EYS: variants seen among roughly 807,000 people sequenced by gnomAD.
EYS encodes the protein EGF-like photoreceptor maintenance factor.
Under a neutral mutation model 282.1 loss-of-function variants are expected in EYS, and 250 were observed. The ratio of observed to expected loss-of-function variants is 0.89; its 90% CI spans 0.80 to 0.98. EYS has a LOEUF of 0.98. EYS is among the 50% of genes least tolerant of loss of function. The pLI is 0.00. For synonymous variants in EYS, 1,355 were observed against 1,282.9 expected, an observed-to-expected ratio of 1.06 and a Z score of -1.20; for missense variants, 4,016 against 3,709.0, an observed-to-expected ratio of 1.08 and a Z score of -2.15.
At chr6:65,510,201 G>A (rs571019587) in intron 2 of EYS, among the ~76,000 whole-genome samples, 1 of 120,292 alleles carries the variant, frequency 8.3e-6, no homozygotes, top group South Asian at 2.7e-4. Flanking sequence ...TCCCCAGAGT[G>A]TGATGTTCCC....
At chr6:63,721,837 A>G in intron 42 of EYS, 40 bp from the exon 43 acceptor site, 2 of 1,498,808 alleles carry the variant, frequency 1.3e-6, no homozygotes, top group Non-Finnish European at 1.8e-6. Flanking sequence ...AGCAACAGTA[A>G]AAGTTTCCAT....
intron 12 of EYS, among the ~76,000 whole-genome samples, chr6:65,107,218 C>T (rs192485035): frequency 1.3e-5 from 2 of 151,478 alleles, no homozygotes; most frequent in African/African-American, 4.8e-5. Context: ...ATTTTACCTT[C>T]GTCATAAAAA....
chr6:64,082,602 T>C (rs1313696974), intron 31 of EYS, among the ~76,000 whole-genome samples: 1 of 152,128 alleles, frequency 6.6e-6, no homozygotes, highest in Non-Finnish European at 1.5e-5. Context: ...ACACAAAGGT[T>C]AGAGAACTGT....
At chr6:63,852,786 G>A (rs542306114) in intron 36 of EYS, among the ~76,000 whole-genome samples, 2 of 152,224 alleles carry the variant, frequency 1.3e-5, no homozygotes, top group South Asian at 2.1e-4. Flanking sequence ...TATCTACCAC[G>A]ATCAAGTCGA....
chr6:63,846,332 G>A (rs1279780119), intron 36 of EYS, among the ~76,000 whole-genome samples: 1 of 152,110 alleles, frequency 6.6e-6, no homozygotes, highest in Non-Finnish European at 1.5e-5. Context: ...TCCACCTGGA[G>A]AGTGACAGGG....
At position 64,823,401 on chromosome 6, in the gene EYS, C is replaced by T. The variant is rs1764956278; in HGVS notation, c.2993-579G>A. Among the ~76,000 whole-genome samples the T allele has an allele frequency of 2.0e-5, 3 of 151,616 alleles. No individual in the cohort carries two copies. The South Asian group carries it at 6.3e-4, about 32-fold the overall frequency. ...AATAAACTTCCTGTTCACACAAAAACGTTTTTAGGGAGGTAATCATTTACA... is the reference window on the plus strand; with the variant it reads ...AATAAACTTCCTGTTCACACAAAAATGTTTTTAGGGAGGTAATCATTTACA... On this transcript the variant is annotated intron_variant, in intron 19 of 42. Coordinates refer to ENST00000503581, the MANE Select transcript of EYS (RefSeq NM_001142800.2).
chr6:64,943,866 G>A (rs1366374552), intron 15 of EYS, among the ~76,000 whole-genome samples: 7 of 152,016 alleles, frequency 4.6e-5, no homozygotes, highest in Non-Finnish European at 8.8e-5. Flanking sequence ...AATGTACGTA[G>A]AGTGAAGAAA....
Position 64,822,794 on chromosome 6 carries a change from T to C in EYS, c.3021A>G (p.Glu1007=). 1 of 1,549,704 alleles carries C rather than the reference T, an allele frequency of 6.5e-7. No homozygotes were observed. Among genetic ancestry groups the C allele is most frequent in the Non-Finnish European group, 8.7e-7 (1 of 1,145,768 alleles). The change falls in exon 20 of 43, where the codon GAA becomes GAG. Residue 1007 remains glutamate, a synonymous_variant. Transcript: ENST00000503581. The part of the protein sequence containing the change: ...TGINCEINLD[E]CLSEPCLHDG... ...CATGGAGACAGGGCTCTGATAGGCA[T>C]TCATCTAGATTTATTTCACAGTTGA... is the stretch of plus-strand genomic sequence containing the variant.
At chr6:65,305,383 TTAAGGACCAAA>T (rs1768976434) in intron 11 of EYS, among the ~76,000 whole-genome samples, 2 of 152,210 alleles carry the variant, frequency 1.3e-5, no homozygotes, top group African/African-American at 2.4e-5. Context: ...GCTGCTACCA[TTAAGGACCAAA>T]TTTTATGCTA....
chr6:64,732,224 G>GTATGCC (rs1771996440), intron 22 of EYS, among the ~76,000 whole-genome samples: 1 of 141,690 alleles, frequency 7.1e-6, no homozygotes, highest in Non-Finnish European at 1.6e-5. Context: ...ATGGGTTGCT[G>GTATGCC]GGTGCAGCAA....
At chr6:63,922,933 T>A (rs978650459) in intron 35 of EYS, among the ~76,000 whole-genome samples, 1 of 152,218 alleles carries the variant, frequency 6.6e-6, no homozygotes. Context: ...ACTGACGTTG[T>A]GACTTTGAAG....
intron 18 of EYS, among the ~76,000 whole-genome samples, chr6:64,892,544 A>T (rs948228696): frequency 3.3e-5 from 5 of 152,018 alleles, no homozygotes; most frequent in African/African-American, 1.2e-4. Context: ...AAGCATTTCT[A>T]CTTTTTTCTT....
chr6:64,733,646 A>G (rs1772055298), intron 22 of EYS: 1 of 156,136 alleles, frequency 6.4e-6, no homozygotes, highest in East Asian at 1.8e-4. Context: ...TGATGACATC[A>G]TCTAGTTCTA....
intron 22 of EYS, among the ~76,000 whole-genome samples, chr6:64,676,295 CTATATCTATATCCAATATATCTA>C (rs1769669369): frequency 7.0e-6 from 1 of 143,546 alleles, no homozygotes; most frequent in South Asian, 2.2e-4. Context: ...TCCAATATAT[CTATATCTATATCCAATATATCTA>C]TATATATATA....
chr6:64,056,558 C>T (rs1398357348), intron 33 of EYS, among the ~76,000 whole-genome samples: 1 of 152,198 alleles, frequency 6.6e-6, no homozygotes, highest in African/African-American at 2.4e-5. Context: ...GGCTAAGGTG[C>T]CAGACGAATT....
intron 35 of EYS, among the ~76,000 whole-genome samples, chr6:63,921,928 T>TA (rs1450337218): frequency 6.6e-6 from 1 of 152,032 alleles, no homozygotes; most frequent in African/African-American, 2.4e-5. Context: ...ATGGAAAAGG[T>TA]AGGTATTCGT....
intron 26 of EYS, among the ~76,000 whole-genome samples, chr6:64,495,892 G>A (rs954645906): frequency 6.6e-6 from 1 of 151,710 alleles, no homozygotes; most frequent in Non-Finnish European, 1.5e-5. Flanking sequence ...AATGATATCA[G>A]ATTTTTATTT....
intron 35 of EYS, among the ~76,000 whole-genome samples, chr6:63,891,624 A>AAT (rs368267541): frequency 3.3e-5 from 5 of 151,136 alleles, no homozygotes; most frequent in Non-Finnish European, 4.5e-5. Context: ...ACCCATGGCC[A>AAT]ATCATACTGA....
In EYS at chr6:64,230,761, C is replaced by A; in HGVS notation, c.6255G>T (p.Gly2085=). 2 of 1,551,504 alleles carry A rather than the reference C, an allele frequency of 1.3e-6. No homozygotes were observed. The highest frequency in any genetic ancestry group is 1.2e-5 in the South Asian group (1 of 84,048). The part of the protein sequence containing the change: ...SFVDASDVTQ[G]VDTMWTSVSP... ...TGACAGAAGTCCACATGGTATCAAC[C>A]CCTTGTGTCACATCAGAAGCATCAA... Residue 2085 remains glycine, a synonymous_variant, in exon 31 of 43, where the codon GGG becomes GGT. Transcript: ENST00000503581.
Sources: allele counts gnomAD v4.1 joint callset (sites outside exome capture counted in the v4.1 genomes callset), GRCh38; gene constraint gnomAD v4.1.1; transcripts MANE v1.5; gene names NCBI Gene and HGNC (gene_info 2026-07-23, HGNC 2026-07-21).